The following FAM199X variants were observed in gnomAD, a reference collection of about 807,000 sequenced individuals.
The protein encoded by FAM199X is family with sequence similarity 199, X-linked, also known as protein FAM199X.
A neutral mutation model predicts 22.9 loss-of-function variants in FAM199X; 4 were observed. The ratio of observed to expected loss-of-function variants is 0.17; its 90% CI spans 0.09 to 0.40. FAM199X has a LOEUF of 0.40. Ranked by LOEUF, FAM199X falls within the 10% of genes least tolerant of loss-of-function variation. The pLI is 1.00. For missense variants in FAM199X, 183 were observed against 306.8 expected, an observed-to-expected ratio of 0.60 and a Z score of 3.01; for synonymous variants, 101 against 112.3, an observed-to-expected ratio of 0.90 and a Z score of 0.64.
intron 2 of FAM199X, 102 bp downstream of exon 2, chrX:104,175,944 T>C (rs1921479407): frequency 1.8e-6 from 1 of 562,518 alleles, no homozygotes; most frequent in African/African-American, 2.3e-5. Flanking sequence ...ATTTCTCTAA[T>C]GTTTATCCAG....
At chrX:104,187,193 C>T (rs149184407) in intron 4 of FAM199X, among the ~76,000 whole-genome samples, 7,824 of 108,784 alleles carry the variant, frequency 0.072, 305 homozygotes, top group Non-Finnish European at 0.11. Flanking sequence ...AAGTGATTCT[C>T]CTGCCTCAGC....
Position 104,188,035 on chromosome X carries a change from C to T in FAM199X, c.730-5C>T. 1 of 1,207,987 alleles carries T rather than the reference C, an allele frequency of 8.3e-7. No individual in the cohort carries two copies. On this transcript the variant is annotated splice_region_variant and splice_polypyrimidine_tract_variant and intron_variant, in intron 4 of 5. Transcript: ENST00000493442. ...ACTAACCAGTTTGTGTTTGTGCATCCCAAGGTCAGAAACTATATCAAGGAA... is the reference window on the plus strand; with the variant it reads ...ACTAACCAGTTTGTGTTTGTGCATCTCAAGGTCAGAAACTATATCAAGGAA...
At chrX:104,168,888 T>G (rs1362637951) in intron 1 of FAM199X, among the ~76,000 whole-genome samples, 1 of 107,832 alleles carries the variant, frequency 9.3e-6, no homozygotes, top group Non-Finnish European at 1.9e-5. Flanking sequence ...CTTTTTTTTT[T>G]TTTTTTTTTA....
At chrX:104,175,575 T>A in intron 1 of FAM199X, 48 bp from the exon 2 acceptor site, 1 of 1,017,130 alleles carries the variant, frequency 9.8e-7, no homozygotes, top group Non-Finnish European at 1.4e-6. Context: ...CTTAAAATTG[T>A]ATGGATTCTG....
At chrX:104,166,140 A>G (rs914880155), upstream of FAM199X, among the ~76,000 whole-genome samples, 8 of 112,734 alleles carry the variant, frequency 7.1e-5, no homozygotes, top group Non-Finnish European at 1.5e-4. Flanking sequence ...ACAGAATGAA[A>G]GAGTGCGCTG....
In FAM199X at chrX:104,190,812, T is replaced by C. The variant is rs1921918934; in HGVS notation, c.*1034T>C. The C allele has an allele frequency of 8.9e-6, 1 of 111,908 alleles. No homozygotes were observed. The highest frequency in any genetic ancestry group is 1.9e-5 in the Non-Finnish European group (1 of 53,135). 9.2% of individuals were successfully genotyped at this position (111,908 alleles called of 1,213,427 possible). A position where few individuals can be genotyped will look rare whatever the true frequency, so the allele number is the denominator to read the frequency against. ...CCCTTGTAGATCTGCTAAACTTCTCTATAAATTGCTAGAAATATACAGAGC... is the reference window on the plus strand; with the variant it reads ...CCCTTGTAGATCTGCTAAACTTCTCCATAAATTGCTAGAAATATACAGAGC... On this transcript the variant is annotated 3_prime_UTR_variant, in exon 6 of 6. Coordinates refer to ENST00000493442, the MANE Select transcript of FAM199X (RefSeq NM_207318.4).
At chrX:104,167,599 T>G (rs1921246729) in intron 1 of FAM199X, among the ~76,000 whole-genome samples, 1 of 110,367 alleles carries the variant, frequency 9.1e-6, no homozygotes, top group South Asian at 3.9e-4. Flanking sequence ...CCTTAGCGCT[T>G]TAGGCTCTGC....
intron 2 of FAM199X, among the ~76,000 whole-genome samples, chrX:104,181,991 C>CTTTTTTTTTTTTTTTTT (rs1210118235): frequency 1.1e-5 from 1 of 94,671 alleles, no homozygotes; most frequent in African/African-American, 3.9e-5. Flanking sequence ...TCTTTTTTTT[C>CTTTTTTTTTTTTTTTTT]TTTTTTTTTT....
At chrX:104,177,673 T>G (rs1052171940) in intron 2 of FAM199X, among the ~76,000 whole-genome samples, 1 of 112,066 alleles carries the variant, frequency 8.9e-6, no homozygotes, top group Non-Finnish European at 1.9e-5. Context: ...TATAAATTGG[T>G]ATTTCATTAT....
chrX:104,157,345 G>A, the FAM199X span, among the ~76,000 whole-genome samples: 1 of 111,239 alleles, frequency 9.0e-6, no homozygotes, highest in African/African-American at 3.3e-5. Context: ...CCTTGAACCT[G>A]TGCCCTTTCT....
At chrX:104,177,951 G>A (rs1285122695) in intron 2 of FAM199X, among the ~76,000 whole-genome samples, 1 of 111,361 alleles carries the variant, frequency 9.0e-6, no homozygotes, top group East Asian at 2.8e-4. Flanking sequence ...TTTTGATGAA[G>A]TCTAATTTAT....
intron 5 of FAM199X, among the ~76,000 whole-genome samples, chrX:104,189,167 C>T (rs868926943): frequency 1.9e-5 from 2 of 107,057 alleles, no homozygotes; most frequent in African/African-American, 6.6e-5. Flanking sequence ...TTTTTTTTTA[C>T]CTGCCATTGT....
chrX:104,175,992 TG>T (rs781872783), intron 2 of FAM199X, 150 bp downstream of exon 2: 7 of 411,322 alleles, frequency 1.7e-5, no homozygotes, highest in Non-Finnish European at 2.8e-5. Context: ...GGTTAAGAAT[TG>T]GATGGGATAT....
chrX:104,190,324 G>A lies in FAM199X; in HGVS notation c.*546G>A, dbSNP rs1465891986. On this transcript the variant is annotated 3_prime_UTR_variant, in exon 6 of 6. Transcript: ENST00000493442. ...GATTCCTGGTGGAAATCTTTTCTGA[G>A]GTGTGGGGGTGGGCAAGGTGTGGAT... is the stretch of plus-strand genomic sequence containing the variant. 8.9e-6 allele frequency: 1 copy of A among 112,413 alleles called. No homozygotes were observed. The highest frequency in any genetic ancestry group is 1.9e-5 in the Non-Finnish European group (1 of 53,607). 9.3% of individuals were successfully genotyped at this position (112,413 alleles called of 1,213,427 possible).
At chrX:104,173,465 GTT>G (rs1456751517) in intron 1 of FAM199X, among the ~76,000 whole-genome samples, 1 of 111,310 alleles carries the variant, frequency 9.0e-6, no homozygotes, top group Non-Finnish European at 1.9e-5. Flanking sequence ...GTACCATAAA[GTT>G]TTTCAGGTTG....
intron 1 of FAM199X, among the ~76,000 whole-genome samples, chrX:104,170,454 C>T (rs1043221579): frequency 9.9e-5 from 11 of 110,905 alleles, no homozygotes; most frequent in African/African-American, 3.6e-4. Context: ...AAGTCCGTGA[C>T]GTGATAGAAG....
chrX:104,173,292 G>A (rs1556375747), intron 1 of FAM199X, among the ~76,000 whole-genome samples: 1 of 111,917 alleles, frequency 8.9e-6, no homozygotes, highest in East Asian at 2.8e-4. Flanking sequence ...CACCTAGCGA[G>A]CATGTGATGA....
At chrX:104,182,234 G>A (rs963057070) in intron 2 of FAM199X, among the ~76,000 whole-genome samples, 2 of 110,281 alleles carry the variant, frequency 1.8e-5, no homozygotes, top group Admixed American at 9.6e-5. Flanking sequence ...TGATCTGTCC[G>A]CCTCGGCCTC....
At chrX:104,157,154 A>C in the FAM199X span, 1 of 111,278 alleles carries the variant, frequency 9.0e-6, no homozygotes, top group African/African-American at 3.3e-5. Flanking sequence ...AACACAGGTA[A>C]AAAGACCTAA....
Sources: allele counts gnomAD v4.1 joint callset (sites outside exome capture counted in the v4.1 genomes callset), GRCh38; gene constraint gnomAD v4.1.1; transcripts MANE v1.5; gene names NCBI Gene and HGNC (gene_info 2026-07-23, HGNC 2026-07-21).